LCT: variants seen among roughly 807,000 people sequenced by gnomAD.
LCT encodes lactase, also known as lactase/phlorizin hydrolase.
LCT carries 90 observed loss-of-function variants against 173.0 expected under a neutral mutation model. The observed-to-expected ratio is 0.52, with a 90% CI of 0.44 to 0.62. LCT has a LOEUF of 0.62. LCT is among the 20% of genes least tolerant of loss of function. The pLI is 0.00. For missense variants in LCT, 1,864 were observed against 2,431.4 expected (o/e 0.77, Z 4.91); for synonymous variants, 853 against 957.6 (o/e 0.89, Z 2.02).
At chr2:135,822,429 G>C in intron 4 of LCT, 1 of 318,666 alleles carries the variant, frequency 3.1e-6, no homozygotes, top group Non-Finnish European at 6.0e-6. Flanking sequence ...GAGCTCCCAG[G>C]TGATGCTAAT....
intron 1 of LCT, among the ~76,000 whole-genome samples, chr2:135,835,647 A>C (rs934910311): frequency 6.6e-6 from 1 of 150,794 alleles, no homozygotes; most frequent in African/African-American, 2.4e-5. Context: ...TAGGGAATTG[A>C]TTATAATCAC....
At chr2:135,836,164 G>A (rs1007375122) in intron 1 of LCT, among the ~76,000 whole-genome samples, 4 of 151,444 alleles carry the variant, frequency 2.6e-5, no homozygotes, top group South Asian at 2.1e-4. Context: ...GATCACAGGC[G>A]CCTGCTACCA....
chr2:135,789,736 A>G lies in LCT; in HGVS notation c.5398T>C (p.Trp1800Arg). ...AATCTCTCTGAAAAGCCTGTGGCCC[A>G]CTCAAAATTGTCCATCGCACTCCAA... is the stretch of plus-strand genomic sequence containing the variant. ...TVWSAMDNFE[W>R]ATGFSERFGL... Residue 1800 changes from tryptophan to arginine, a missense_variant, in exon 16 of 17, where the codon TGG becomes CGG. By Grantham distance (101) the Trp-to-Arg change is moderately radical. Around this residue, in one of 4 missense-constraint regions of LCT, gnomAD observed 514 missense variants for 750.1 expected, o/e 0.69. Transcript: ENST00000264162. 6.2e-7 allele frequency: 1 copy of G among 1,614,220 alleles called. No individual in the cohort carries two copies. The highest frequency in any genetic ancestry group is 8.5e-7 in the Non-Finnish European group (1 of 1,180,026).
intron 11 of LCT, 92 bp downstream of exon 11, chr2:135,803,838 G>T: frequency 8.5e-7 from 1 of 1,180,254 alleles, no homozygotes; most frequent in Non-Finnish European, 1.2e-6. Flanking sequence ...GGGCTTTCTT[G>T]GTTGCCTCGT....
At chr2:135,799,260 T>C (rs975995883) in intron 12 of LCT, among the ~76,000 whole-genome samples, 5 of 151,764 alleles carry the variant, frequency 3.3e-5, no homozygotes, top group African/African-American at 1.2e-4. Context: ...AGTGCCACAG[T>C]TGGCAGACTC....
chr2:135,794,790 C>G lies in LCT; in HGVS notation c.4977-15G>C. 1.2e-6 allele frequency: 2 copies of G among 1,614,148 alleles called. No individual in the cohort carries two copies. Among genetic ancestry groups the G allele is most frequent in the Non-Finnish European group, 1.7e-6 (2 of 1,180,014 alleles). ...ATTCTGGCAGCCTGGGTGGAAGAAG[C>G]CATTGAGGGCAGGGCTTCAGGGAGA... On this transcript the variant is annotated splice_polypyrimidine_tract_variant and intron_variant, in intron 13 of 16. Transcript: ENST00000264162.
chr2:135,798,154 G>A lies in LCT; in HGVS notation c.4867-16C>T, dbSNP rs1171724887. Reference sequence around the variant, plus strand: ...CTCCCATGAACTGCGGGTAGGGTGGGGGAGACAGCCCAGGCGTTACAGGTG... The same window carrying A: ...CTCCCATGAACTGCGGGTAGGGTGGAGGAGACAGCCCAGGCGTTACAGGTG... On this transcript the variant is annotated splice_polypyrimidine_tract_variant and intron_variant, in intron 12 of 16. Transcript: ENST00000264162. The A allele has an allele frequency of 2.2e-6, 3 of 1,383,210 alleles. No individual in the cohort carries two copies. The highest frequency in any genetic ancestry group is 1.0e-6 in the Non-Finnish European group (1 of 966,882). 85.7% of individuals were successfully genotyped at this position (1,383,210 alleles called of 1,614,324 possible).
intron 4 of LCT, chr2:135,822,309 G>A (rs1558743181): frequency 5.5e-6 from 3 of 548,038 alleles, no homozygotes; most frequent in East Asian, 6.5e-5. Flanking sequence ...AAACTTCAAG[G>A]TGAATCAAAA....
chr2:135,812,925 C>G lies in LCT; in HGVS notation c.1739G>C (p.Arg580Thr), dbSNP rs139170270. The change falls in exon 7 of 17, where the codon AGA becomes ACA. Residue 580 changes from arginine to threonine, a missense_variant. Around this residue, in one of 4 missense-constraint regions of LCT, gnomAD observed 183 missense variants for 293.1 expected, o/e 0.62. Transcript: ENST00000264162. ...ATGGCTGTTGTAGTGGTGCCAAGTT[C>G]TGGCATGAGCCTTGAGGACCAAGTG... is the stretch of plus-strand genomic sequence containing the variant. Reference protein sequence around the residue: ...VAHLVLKAHARTWHHYNSHHR... With the variant: ...VAHLVLKAHATTWHHYNSHHR... 2.5e-6 allele frequency: 4 copies of G among 1,614,174 alleles called. No individual in the cohort carries two copies.
rs1679417507 is a variant in LCT, at chr2:135,836,951, T to C, written c.219A>G (p.Pro73=). Residue 73 remains proline, a synonymous_variant, in exon 1 of 17, where the codon CCA becomes CCG. Transcript: ENST00000264162. ...TGGCATGGAGACTGCTGAAGTATTC[T>C]GGCAGGAAAGTGGGCAGTGGCTGGT... ...VCHQPLPTFL[P]EYFSSLHASQ... 3 of 1,614,198 alleles carry C rather than the reference T, an allele frequency of 1.9e-6. No individual in the cohort carries two copies. Among genetic ancestry groups the C allele is most frequent in the East Asian group, 2.2e-5 (1 of 44,886 alleles).
At chr2:135,812,090 C>T (rs1380011799) in intron 7 of LCT, among the ~76,000 whole-genome samples, 1 of 151,922 alleles carries the variant, frequency 6.6e-6, no homozygotes, top group Non-Finnish European at 1.5e-5. Context: ...GTCTCAAAAA[C>T]AAAACAAAAT....
chr2:135,814,652 G>T (rs1032879795), intron 6 of LCT, among the ~76,000 whole-genome samples: 5 of 151,810 alleles, frequency 3.3e-5, no homozygotes, highest in African/African-American at 1.2e-4. Flanking sequence ...GAGTAGCTGG[G>T]ACTACAGGTG....
chr2:135,789,100 G>C (rs962278901), intron 16 of LCT, among the ~76,000 whole-genome samples: 1 of 152,190 alleles, frequency 6.6e-6, no homozygotes, highest in Non-Finnish European at 1.5e-5. Context: ...TTTGGATTTT[G>C]AATTTTCAGA....
chr2:135,809,129 C>A lies in LCT; in HGVS notation c.3218G>T (p.Gly1073Val). 6.2e-7 allele frequency: 1 copy of A among 1,614,214 alleles called. No homozygotes were observed. The highest frequency in any genetic ancestry group is 8.5e-7 in the Non-Finnish European group (1 of 1,180,038). Residue 1073 changes from glycine to valine, a missense_variant, in exon 8 of 17, where the codon GGT becomes GTT. Gly to Val is a moderately radical substitution (Grantham distance 109). This residue lies in a region of LCT where 755 missense variants were observed against 926.3 expected (regional missense o/e 0.82). Coordinates refer to ENST00000264162, the MANE Select transcript of LCT (RefSeq NM_002299.4). This position sits in a 1 kb window ranked among gnomAD's most constrained non-coding sequence, Gnocchi z 5.5. The stretch of plus-strand genomic sequence containing the variant: ...TGGGGGAAATTCCCCTGAGCCATAA[C>A]CTAGCCATGCCAGGTACATGGGCTC... Reference protein sequence around the residue: ...FNEPMYLAWLGYGSGEFPPGV... With the variant: ...FNEPMYLAWLVYGSGEFPPGV...
chr2:135,802,065 G>A (rs867308636), intron 11 of LCT, among the ~76,000 whole-genome samples: 27 of 152,220 alleles, frequency 1.8e-4, no homozygotes, highest in Non-Finnish European at 3.5e-4. Flanking sequence ...CAGCTGACAC[G>A]GAGATACCCT....
Position 135,794,745 on chromosome 2 carries a change from C to T in LCT, c.5007G>A (p.Arg1669=), listed in dbSNP as rs747008428. 1.2e-6 allele frequency: 2 copies of T among 1,614,208 alleles called. No individual in the cohort carries two copies. Among genetic ancestry groups the T allele is most frequent in the Admixed American group, 3.3e-5 (2 of 60,024 alleles). Reference sequence around the variant, plus strand: ...AAAAGTCATAGGTGCCGTTGATCCTCCTCTTCTCACTCTCTGTAAATTCTG... The same window carrying T: ...AAAAGTCATAGGTGCCGTTGATCCTTCTCTTCTCACTCTCTGTAAATTCTG... ...RLPEFTESEK[R]RINGTYDFFG... Residue 1669 remains arginine (R), a synonymous_variant, in exon 14 of 17, where the codon AGG becomes AGA. Transcript: ENST00000264162.
In LCT at chr2:135,836,953, G is replaced by C. The variant is rs918725410; in HGVS notation, c.217C>G (p.Pro73Ala). The change falls in exon 1 of 17, where the codon CCA becomes GCA. Residue 73 changes from proline to alanine, a missense_variant. Pro to Ala is a conservative substitution (Grantham distance 27, BLOSUM62 -1). This residue lies in a region of LCT where 412 missense variants were observed against 462.0 expected (regional missense o/e 0.89). Coordinates refer to ENST00000264162, the MANE Select transcript of LCT (RefSeq NM_002299.4). Reference sequence around the variant, plus strand: ...GCATGGAGACTGCTGAAGTATTCTGGCAGGAAAGTGGGCAGTGGCTGGTGA... The same window carrying C: ...GCATGGAGACTGCTGAAGTATTCTGCCAGGAAAGTGGGCAGTGGCTGGTGA... ...VCHQPLPTFL[P>A]EYFSSLHASQ... 2 of 1,614,050 alleles carry C rather than the reference G, an allele frequency of 1.2e-6. No individual in the cohort carries two copies. The highest frequency in any genetic ancestry group is 2.7e-5 in the African/African-American group (2 of 74,914).
chr2:135,818,932 T>G (rs2077805068), intron 5 of LCT, among the ~76,000 whole-genome samples: 1 of 152,248 alleles, frequency 6.6e-6, no homozygotes, highest in Non-Finnish European at 1.5e-5. Context: ...ACCAGTTGAA[T>G]ATCAGTCCTG....
chr2:135,828,890 CAT>C (rs2077908833), intron 3 of LCT, among the ~76,000 whole-genome samples: 2 of 152,044 alleles, frequency 1.3e-5, no homozygotes, highest in Non-Finnish European at 2.9e-5. Flanking sequence ...GTAAAATAGA[CAT>C]AAAGAAGAAA....
Sources: gnomAD v4.1 joint callset for allele counts (sites outside exome capture counted in the v4.1 genomes callset) on GRCh38, gnomAD v4.1.1 for gene constraint, gnomAD v4.1.1 regional missense constraint, Gnocchi (gnomAD v3.1) non-coding constraint, MANE v1.5 for transcripts, NCBI Gene and HGNC (gene_info 2026-07-23, HGNC 2026-07-21) for gene names.